Variants in TET2 observed in about 807,000 individuals in gnomAD.
The protein encoded by TET2 is methylcytosine dioxygenase TET2.
A neutral mutation model predicts 142.9 loss-of-function variants in TET2; 299 were observed. That is an observed-to-expected ratio of 2.09 (90% confidence interval 1.90 to 2.30). The LOEUF (loss-of-function observed/expected upper bound fraction) is 2.30, where lower values mean the gene tolerates loss of function less well. Ranked by LOEUF, TET2 falls within the 30% of genes most tolerant of loss-of-function variation. The probability of loss-of-function intolerance (pLI) is 0.00; values close to 1 mark genes in which losing one functional copy is unlikely to be tolerated. For synonymous variants in TET2, 819 were observed against 849.0 expected, an observed-to-expected ratio of 0.96 and a Z score of 0.61; for missense variants, 2,418 against 2,378.0, an observed-to-expected ratio of 1.02 and a Z score of -0.35.
At position 105,234,387 on chromosome 4, in the gene TET2, G is replaced by T. The variant is rs746373398; in HGVS notation, c.445G>T (p.Glu149Ter). ...TGTCTCCGATTTGAGTGATAAGAAA[G>T]AATCTGTGAGTTCTGTAGCCCAAGA... ...PNVSDLSDKK[E>*]SVSSVAQENA... Residue 149 changes from glutamate to a stop codon, truncating the protein, a stop_gained, in exon 3 of 11, where the codon GAA becomes TAA. Transcript: ENST00000380013. LOFTEE classifies it high-confidence loss of function. 2 of 1,614,058 alleles carry T rather than the reference G, an allele frequency of 1.2e-6. No individual in the cohort carries two copies. Among genetic ancestry groups the T allele is most frequent in the Non-Finnish European group, 1.7e-6 (2 of 1,179,996 alleles).
At chr4:105,274,885 G>A (rs146993558) in intron 10 of TET2, among the ~76,000 whole-genome samples, 163 bp from the exon 11 acceptor site, 11 of 152,098 alleles carry the variant, frequency 7.2e-5, no homozygotes, top group African/African-American at 2.7e-4. Context: ...AAATTGTGCT[G>A]GACAATGATC....
At position 105,277,369 on chromosome 4, in the gene TET2, A is replaced by G. The variant is rs1693481527; in HGVS notation, c.*850A>G. The G allele has an allele frequency of 1.8e-5, 4 of 224,496 alleles. No homozygotes were observed. Among genetic ancestry groups the G allele is most frequent in the Non-Finnish European group, 3.6e-5 (4 of 112,650 alleles). The allele number at this position is 224,496 out of a possible 1,614,324, so 13.9% of individuals were successfully genotyped here. A position where few individuals can be genotyped will look rare whatever the true frequency, so the allele number is the denominator to read the frequency against. ...TGTACATATATACACAAACATGTAT[A>G]TGTGCACACACATGTATATGTATAA... is the stretch of plus-strand genomic sequence containing the variant. On this transcript the variant is annotated 3_prime_UTR_variant, in exon 11 of 11. Coordinates refer to ENST00000380013, the MANE Select transcript of TET2 (RefSeq NM_001127208.3).
Position 105,201,732 on chromosome 4 carries a change from C to CTTTTTT in TET2, c.-47+11248_-47+11253dup, listed in dbSNP as rs70964636. ...TTAACAGAACATCTTCATCCAGGAC[C>CTTTTTT]TTTTTTTTTTTTTTTTTTTTTTTTT... On this transcript the variant is annotated intron_variant, in intron 2 of 10. Transcript: ENST00000380013. 7.9e-5 allele frequency among the ~76,000 whole-genome samples: 5 copies of CTTTTTT among 63,052 alleles called. 1 individual carries two copies. Among genetic ancestry groups the CTTTTTT allele is most frequent in the African/African-American group, 1.4e-4 (2 of 14,696 alleles). 41.4% of individuals were successfully genotyped at this position (63,052 alleles called of 152,430 possible).
intron 6 of TET2, among the ~76,000 whole-genome samples, chr4:105,244,172 T>C (rs1729461526): frequency 6.6e-6 from 1 of 152,200 alleles, no homozygotes; most frequent in Admixed American, 6.5e-5. Flanking sequence ...TGAGAAACTT[T>C]GGGATTCCCA....
intron 1 of TET2, among the ~76,000 whole-genome samples, chr4:105,176,169 A>G (rs553722261): frequency 5.9e-5 from 9 of 152,316 alleles, no homozygotes; most frequent in African/African-American, 2.2e-4. Context: ...GAAAATACAC[A>G]AAAAACCTAC....
rs563264677 is a variant in TET2 at position 105,148,092 on chromosome 4, C to T, written c.-193+1113C>T. Among the ~76,000 whole-genome samples, 6 of 152,058 alleles carry T rather than the reference C, an allele frequency of 3.9e-5. No individual in the cohort carries two copies. The South Asian group carries it at 1.2e-3, about 32-fold the overall frequency. The stretch of plus-strand genomic sequence containing the variant: ...CACACACACACACACACCTCACTCG[C>T]ATCTTGCTGAATCTTTTCACTGGGA... On this transcript the variant is annotated intron_variant, in intron 1 of 10. Coordinates refer to ENST00000380013, the MANE Select transcript of TET2 (RefSeq NM_001127208.3).
At chr4:105,239,891 G>A (rs1396472893) in intron 3 of TET2, 1 of 239,558 alleles carries the variant, frequency 4.2e-6, no homozygotes, top group African/African-American at 2.2e-5. Context: ...ACACTTAGAG[G>A]CCACTGTAGG....
At chr4:105,243,885 G>A in intron 6 of TET2, 107 bp downstream of exon 6, 1 of 1,022,506 alleles carries the variant, frequency 9.8e-7, no homozygotes, top group Non-Finnish European at 1.4e-6. Context: ...TTTATAAAAT[G>A]GGCATCAAAA....
chr4:105,204,215 C>CAAA (rs531909233), intron 2 of TET2, among the ~76,000 whole-genome samples: 1 of 97,318 alleles, frequency 1.0e-5, no homozygotes, highest in Non-Finnish European at 2.1e-5. Flanking sequence ...AAAAACAAAC[C>CAAA]AAAAAAAAAA....
chr4:105,239,702 A>G, intron 3 of TET2: 2 of 232,472 alleles, frequency 8.6e-6, no homozygotes, highest in Non-Finnish European at 1.7e-5. Context: ...CTTACCTTTC[A>G]TGTGTTCACT....
chr4:105,193,743 T>C (rs1725920684), intron 2 of TET2, among the ~76,000 whole-genome samples: 1 of 152,198 alleles, frequency 6.6e-6, no homozygotes, highest in African/African-American at 2.4e-5. Flanking sequence ...TTGGGACATA[T>C]GAGTTTGAAT....
chr4:105,211,940 T>G (rs929014129), intron 2 of TET2, among the ~76,000 whole-genome samples: 5 of 152,224 alleles, frequency 3.3e-5, no homozygotes, highest in African/African-American at 1.2e-4. Context: ...CTGCAAAGAC[T>G]ACTTACTGTA....
intron 2 of TET2, among the ~76,000 whole-genome samples, chr4:105,225,467 G>C (rs1728132501): frequency 6.6e-6 from 1 of 152,078 alleles, no homozygotes; most frequent in Non-Finnish European, 1.5e-5. Flanking sequence ...GTTGTAGGTA[G>C]CTTTGATGAA....
At position 105,235,796 on chromosome 4, in the gene TET2, A is replaced by G. The variant is rs138665881; in HGVS notation, c.1854A>G (p.Gln618=). The G allele has an allele frequency of 2.1e-4, 347 of 1,613,990 alleles. No homozygotes were observed. Among genetic ancestry groups the G allele is most frequent in the Non-Finnish European group, 2.7e-4 (313 of 1,180,028 alleles). ...NSNMPGGLPR[Q]AYTQKTTQLE... ...ACATGCCTGGGGGGCTCCCAAGGCA[A>G]GCTTACACCCAGAAAACAACACAGC... The change falls in exon 3 of 11, where the codon CAA becomes CAG. Residue 618 remains glutamine, a synonymous_variant. Coordinates refer to ENST00000380013, the MANE Select transcript of TET2 (RefSeq NM_001127208.3).
At chr4:105,265,003 C>CT in intron 8 of TET2, among the ~76,000 whole-genome samples, 1 of 152,180 alleles carries the variant, frequency 6.6e-6, no homozygotes, top group Non-Finnish European at 1.5e-5. Flanking sequence ...GTTTTCTCAA[C>CT]TTAAATGTCC....
chr4:105,234,845 T>TGATAATGCC lies in TET2; in HGVS notation c.904_912dup (p.Asp302_Ala304dup). On this transcript the variant is annotated inframe_insertion, in exon 3 of 11. Coordinates refer to ENST00000380013, the MANE Select transcript of TET2 (RefSeq NM_001127208.3). ...GTGAGGCCTGTGATGCTGATGATGC[T>TGATAATGCC]GATAATGCCAGTAAACTAGCTGCAA... 1 of 1,614,094 alleles carries TGATAATGCC rather than the reference T, an allele frequency of 6.2e-7. No individual in the cohort carries two copies. The highest frequency in any genetic ancestry group is 8.5e-7 in the Non-Finnish European group (1 of 1,180,024).
At chr4:105,269,873 G>A in intron 9 of TET2, 126 bp downstream of exon 9, 3 of 1,161,296 alleles carry the variant, frequency 2.6e-6, no homozygotes, top group Non-Finnish European at 3.6e-6. Flanking sequence ...CCACATGGCT[G>A]TGGAGGCCTC....
Position 105,233,947 on chromosome 4 carries a change from A to G in TET2, c.5A>G (p.Glu2Gly). The stretch of plus-strand genomic sequence containing the variant: ...GATGGCCCCGAAGCAAGCCTGATGG[A>G]ACAGGATAGAACCAACCATGTTGAG... M[E>G]QDRTNHVEGN... is the part of the protein sequence containing the mutation. Residue 2 changes from glutamate (E) to glycine (G), a missense_variant, in exon 3 of 11, where the codon GAA becomes GGA. By Grantham distance (98) the Glu-to-Gly change is moderately conservative (BLOSUM62 -2). Coordinates refer to ENST00000380013, the MANE Select transcript of TET2 (RefSeq NM_001127208.3). 6.2e-7 allele frequency: 1 copy of G among 1,612,194 alleles called. No individual in the cohort carries two copies. The highest frequency in any genetic ancestry group is 8.5e-7 in the Non-Finnish European group (1 of 1,179,522).
intron 1 of TET2, among the ~76,000 whole-genome samples, chr4:105,151,135 A>G (rs1352785583): frequency 1.3e-5 from 2 of 152,138 alleles, no homozygotes; most frequent in African/African-American, 4.8e-5. Flanking sequence ...CCTGGGCAAC[A>G]CAGTCAGGCC....
Sources: gnomAD v4.1 joint callset for allele counts (sites outside exome capture counted in the v4.1 genomes callset) on GRCh38, gnomAD v4.1.1 for gene constraint, MANE v1.5 for transcripts, NCBI Gene and HGNC (gene_info 2026-07-23, HGNC 2026-07-21) for gene names.